BTLA: variants seen among roughly 807,000 people sequenced by gnomAD.
BTLA encodes the protein B- and T-lymphocyte attenuator.
In BTLA, 11 loss-of-function variants were observed where a neutral mutation model predicts 25.0. That is an observed-to-expected ratio of 0.44 (90% CI 0.28 to 0.73). The LOEUF (loss-of-function observed/expected upper bound fraction) is 0.73, where lower values mean the gene tolerates loss of function less well. Among genes scored for constraint, BTLA ranks in the 30% least tolerant of loss-of-function variants. The pLI, the probability that BTLA is intolerant of heterozygous loss-of-function variation, is 0.15. For missense variants in BTLA, 282 were observed against 332.8 expected, an observed-to-expected ratio of 0.85 and a Z score of 1.19; for synonymous variants, 104 against 119.8, an observed-to-expected ratio of 0.87 and a Z score of 0.86.
chr3:112,467,119 G>T (rs757164527), intron 4 of BTLA, among the ~76,000 whole-genome samples: 1 of 151,904 alleles, frequency 6.6e-6, no homozygotes, highest in Non-Finnish European at 1.5e-5. Flanking sequence ...CACCTCGCCC[G>T]GCTAATTTTT....
Position 112,499,184 on chromosome 3 carries a change from A to T in BTLA, c.88+87T>A, listed in dbSNP as rs2082427812. On this transcript the variant is annotated intron_variant, in intron 1 of 4. Coordinates refer to ENST00000334529, the MANE Select transcript of BTLA (RefSeq NM_181780.4). Reference sequence around the variant, plus strand: ...CGATTACCCACTTCGTATAAACGTTACACCGTACTAAGTTCAGCAAGGGAG... The same window carrying T: ...CGATTACCCACTTCGTATAAACGTTTCACCGTACTAAGTTCAGCAAGGGAG... 6 of 946,834 alleles carry T rather than the reference A, an allele frequency of 6.3e-6. No homozygotes were observed. The South Asian group carries it at 7.2e-5, about 11-fold the overall frequency. 58.7% of individuals were successfully genotyped at this position (946,834 alleles called of 1,614,324 possible).
intron 1 of BTLA, among the ~76,000 whole-genome samples, chr3:112,496,557 AC>A (rs1175771116): frequency 6.6e-6 from 1 of 152,206 alleles, no homozygotes; most frequent in Non-Finnish European, 1.5e-5. Context: ...ACTGTAAAGA[AC>A]TCAGCAATTA....
chr3:112,481,529 G>A (rs1004968474), intron 1 of BTLA, among the ~76,000 whole-genome samples: 1 of 152,196 alleles, frequency 6.6e-6, no homozygotes, highest in African/African-American at 2.4e-5. Flanking sequence ...GGCAGATCTG[G>A]GCAGCAAGCC....
chr3:112,475,067 T>C (rs1576680375), intron 2 of BTLA, among the ~76,000 whole-genome samples: 1 of 152,206 alleles, frequency 6.6e-6, no homozygotes, highest in Non-Finnish European at 1.5e-5. Flanking sequence ...AGTCCAATCA[T>C]AGAATTAATT....
chr3:112,474,583 A>G (rs2082279346), intron 2 of BTLA, among the ~76,000 whole-genome samples: 1 of 152,164 alleles, frequency 6.6e-6, no homozygotes, highest in Non-Finnish European at 1.5e-5. Context: ...AGACATTTCC[A>G]CACATTACTA....
At chr3:112,488,371 C>T (rs1310172431) in intron 1 of BTLA, among the ~76,000 whole-genome samples, 3 of 151,636 alleles carry the variant, frequency 2.0e-5, no homozygotes, top group Non-Finnish European at 4.4e-5. Context: ...TATAGGTGCC[C>T]ACCACCACGC....
At chr3:112,474,869 A>G (rs958005770) in intron 2 of BTLA, among the ~76,000 whole-genome samples, 1 of 152,230 alleles carries the variant, frequency 6.6e-6, no homozygotes, top group Non-Finnish European at 1.5e-5. Context: ...TATGGAATCC[A>G]GAAACAATCT....
intron 1 of BTLA, among the ~76,000 whole-genome samples, chr3:112,485,365 T>C (rs1327957090): frequency 6.6e-6 from 1 of 152,158 alleles, no homozygotes; most frequent in Non-Finnish European, 1.5e-5. Context: ...CAATTCTAAT[T>C]GTCCATCTGA....
intron 2 of BTLA, among the ~76,000 whole-genome samples, chr3:112,477,367 T>TA (rs2082294451): frequency 6.6e-6 from 1 of 152,020 alleles, no homozygotes; most frequent in African/African-American, 2.4e-5. Context: ...GTTTTTTTTT[T>TA]TTATTCTAGT....
At chr3:112,471,181 G>T (rs1434924326) in intron 3 of BTLA, 31 bp downstream of exon 3, 2 of 1,608,884 alleles carry the variant, frequency 1.2e-6, no homozygotes, top group Non-Finnish European at 1.7e-6. Flanking sequence ...CAAATGTGTG[G>T]TACTGGGGGC....
At chr3:112,494,135 C>T (rs909047402) in intron 1 of BTLA, among the ~76,000 whole-genome samples, 3 of 151,910 alleles carry the variant, frequency 2.0e-5, no homozygotes, top group Admixed American at 2.0e-4. Context: ...ACATTTATGC[C>T]ACCAACAAAC....
chr3:112,498,664 T>C (rs1255282303), intron 1 of BTLA, among the ~76,000 whole-genome samples: 1 of 150,496 alleles, frequency 6.6e-6, no homozygotes, highest in Admixed American at 6.6e-5. Context: ...TGTGTTCAAT[T>C]GACAACCAAG....
In BTLA at chr3:112,467,737, G is replaced by A. The variant is rs74748755; in HGVS notation, c.595-1354C>T. 8.7e-3 allele frequency among the ~76,000 whole-genome samples: 1,330 copies of A among 152,332 alleles called. 50 individuals are homozygous for A. The highest frequency in any genetic ancestry group is 0.073 in the East Asian group (379 of 5,186). On this transcript the variant is annotated intron_variant, in intron 4 of 4. Coordinates refer to ENST00000334529, the MANE Select transcript of BTLA (RefSeq NM_181780.4). ...CAGTAAGGCTGAGCGACTGAAAGAG[G>A]CAGAGGCTGCTTGGCTAAGATAAAA...
intron 1 of BTLA, among the ~76,000 whole-genome samples, chr3:112,480,736 A>C (rs1559826763): frequency 6.6e-6 from 1 of 152,212 alleles, no homozygotes; most frequent in East Asian, 1.9e-4. Flanking sequence ...CAAAACTGTT[A>C]CAATAGCAAT....
intron 1 of BTLA, among the ~76,000 whole-genome samples, chr3:112,489,294 C>A (rs1190465115): frequency 6.6e-6 from 1 of 151,988 alleles, no homozygotes; most frequent in Non-Finnish European, 1.5e-5. Flanking sequence ...TAACTCCCAG[C>A]TGAGCAAGTG....
chr3:112,495,438 G>A (rs188232953), intron 1 of BTLA, among the ~76,000 whole-genome samples: 29 of 152,260 alleles, frequency 1.9e-4, no homozygotes, highest in Admixed American at 8.5e-4. Flanking sequence ...TAGTTTTGAC[G>A]TCAACTTTAC....
At chr3:112,467,149 A>G (rs2082233621) in intron 4 of BTLA, among the ~76,000 whole-genome samples, 1 of 151,848 alleles carries the variant, frequency 6.6e-6, no homozygotes, top group African/African-American at 2.4e-5. Flanking sequence ...TTTAGTAGAG[A>G]CGGGGTTTCA....
At chr3:112,469,649 A>ATATATATAT (rs59880426) in intron 4 of BTLA, 109 bp downstream of exon 4, 2 of 471,070 alleles carry the variant, frequency 4.2e-6, no homozygotes, top group Admixed American at 3.2e-5. Flanking sequence ...ATATATATAT[A>ATATATATAT]GTACATAGAA....
chr3:112,466,427 T>C (rs371180518), intron 4 of BTLA, 44 bp from the exon 5 acceptor site: 2 of 1,493,194 alleles, frequency 1.3e-6, no homozygotes, highest in South Asian at 1.4e-5. Context: ...CTTACGGCCA[T>C]GGTAGTGCAT....
Sources: allele counts gnomAD v4.1 joint callset (sites outside exome capture counted in the v4.1 genomes callset), GRCh38; gene constraint gnomAD v4.1.1; transcripts MANE v1.5; gene names NCBI Gene and HGNC (gene_info 2026-07-23, HGNC 2026-07-21).